KHDRBS1: variants seen among roughly 807,000 people sequenced by gnomAD.
KHDRBS1 encodes KH domain-containing, RNA-binding, signal transduction-associated protein 1.
In KHDRBS1, 7 loss-of-function variants were observed where a neutral mutation model predicts 48.4. The ratio of observed to expected loss-of-function variants is 0.14; its 90% CI spans 0.08 to 0.27. The LOEUF (loss-of-function observed/expected upper bound fraction) is 0.27. Among genes scored for constraint, KHDRBS1 ranks in the 10% least tolerant of loss-of-function variants. KHDRBS1 has a pLI of 1.00. For synonymous variants in KHDRBS1, 241 were observed against 235.8 expected (o/e 1.02, Z -0.20); for missense variants, 458 against 601.2 (o/e 0.76, Z 2.49).
chr1:32,048,506 C>G (rs968536898), downstream of KHDRBS1, among the ~76,000 whole-genome samples: 18 of 152,304 alleles, frequency 1.2e-4, 2 homozygotes, highest in Middle Eastern at 6.8e-3. Context: ...TTTTAAAATA[C>G]TATTGGTCCC....
rs1389014015 is a variant in KHDRBS1 at position 32,043,366 on chromosome 1, T to C, written c.*742T>C. ...GAAATCTAGCCCCAGACATACTGTG[T>C]TGAGAGATACTTAGAGGGAGGGAGT... On this transcript the variant is annotated 3_prime_UTR_variant, in exon 9 of 9. Transcript: ENST00000327300. 3 of 152,400 alleles carry C rather than the reference T, an allele frequency of 2.0e-5. No homozygotes were observed. Among genetic ancestry groups the C allele is most frequent in the Non-Finnish European group, 4.4e-5 (3 of 68,000 alleles). The allele number at this position is 152,400 out of a possible 1,614,324, so 9.4% of individuals were successfully genotyped here. A position where few individuals can be genotyped will look rare whatever the true frequency, so the allele number is the denominator to read the frequency against.
chr1:32,030,765 A>T (rs1270034597), intron 2 of KHDRBS1, among the ~76,000 whole-genome samples: 5 of 152,154 alleles, frequency 3.3e-5, no homozygotes. Context: ...GAAATATAAT[A>T]TGAATCCTCA....
At chr1:32,018,393 G>A (rs1232565983) in intron 1 of KHDRBS1, among the ~76,000 whole-genome samples, 3 of 152,168 alleles carry the variant, frequency 2.0e-5, no homozygotes, top group South Asian at 2.1e-4. Flanking sequence ...CTCAGGAGAC[G>A]GAGGTTGCAG....
At chr1:32,057,577 G>T (rs1459886662) in intron 10 of KHDRBS1, among the ~76,000 whole-genome samples, 1 of 151,392 alleles carries the variant, frequency 6.6e-6, no homozygotes, top group Non-Finnish European at 1.5e-5. Context: ...GAGGCGGGCG[G>T]ATCACGAGGT....
At chr1:32,017,293 G>A (rs1399983060) in intron 1 of KHDRBS1, among the ~76,000 whole-genome samples, 1 of 151,762 alleles carries the variant, frequency 6.6e-6, no homozygotes, top group African/African-American at 2.4e-5. Context: ...GAGGGATGTA[G>A]ATTTTGAATG....
At chr1:32,049,451 G>A (rs372421538) in intron 10 of KHDRBS1, among the ~76,000 whole-genome samples, 1 of 150,280 alleles carries the variant, frequency 6.7e-6, no homozygotes, top group East Asian at 1.9e-4. Context: ...TGTTAAATGC[G>A]ATTTCACTGT....
chr1:32,014,407 C>T (rs1159369886), intron 1 of KHDRBS1, 30 bp downstream of exon 1: 37 of 1,305,192 alleles, frequency 2.8e-5, no homozygotes, highest in Non-Finnish European at 3.4e-5. Flanking sequence ...CCCTCTGGGT[C>T]GCCCGGCCAT....
chr1:32,023,029 CCT>C (rs776502087), intron 1 of KHDRBS1, among the ~76,000 whole-genome samples: 3 of 151,656 alleles, frequency 2.0e-5, no homozygotes, highest in Non-Finnish European at 4.4e-5. Context: ...TCTTTTTCGC[CCT>C]CTCTCTTTTT....
Position 32,031,650 on chromosome 1 carries a change from C to T in KHDRBS1, c.624+10C>T, listed in dbSNP as rs758099293. 5.1e-6 allele frequency: 8 copies of T among 1,556,936 alleles called. No homozygotes were observed. In the South Asian group the frequency reaches 9.1e-5, roughly 18 times the overall value. Reference sequence around the variant, plus strand: ...GAGAGACAAAGCCAAGGTAAGCTCACATTAGTGAGGCAAGAGGACATCCTA... The same window carrying T: ...GAGAGACAAAGCCAAGGTAAGCTCATATTAGTGAGGCAAGAGGACATCCTA... On this transcript the variant is annotated intron_variant, in intron 3 of 8. Coordinates refer to ENST00000327300, the MANE Select transcript of KHDRBS1 (RefSeq NM_006559.3).
intron 1 of KHDRBS1, among the ~76,000 whole-genome samples, chr1:32,019,541 A>AAAAG (rs547977419): frequency 5.3e-5 from 8 of 152,130 alleles, no homozygotes; most frequent in Non-Finnish European, 8.8e-5. Context: ...AAAAAAAACA[A>AAAAG]AAAGAAAGAA....
chr1:32,053,038 A>T (rs1639442141), intron 10 of KHDRBS1, among the ~76,000 whole-genome samples: 1 of 152,182 alleles, frequency 6.6e-6, no homozygotes, highest in African/African-American at 2.4e-5. Flanking sequence ...CTGTAGTCCC[A>T]GCTACTTGAA....
intron 10 of KHDRBS1, among the ~76,000 whole-genome samples, chr1:32,055,788 G>A (rs1406845151): frequency 6.6e-6 from 1 of 152,062 alleles, no homozygotes; most frequent in Non-Finnish European, 1.5e-5. Flanking sequence ...GGCTCCTAAG[G>A]AGGCTGCATT....
chr1:32,041,583 CTTTTTT>C (rs370173805), intron 8 of KHDRBS1, among the ~76,000 whole-genome samples: 12 of 75,582 alleles, frequency 1.6e-4, no homozygotes, highest in Admixed American at 1.4e-3. Flanking sequence ...AGGAATTATC[CTTTTTT>C]TTTTTTTTTT....
intron 4 of KHDRBS1, 79 bp downstream of exon 4, chr1:32,033,413 A>G: frequency 3.2e-6 from 5 of 1,570,724 alleles, no homozygotes; most frequent in Non-Finnish European, 4.3e-6. Context: ...GGGGTTCTTA[A>G]CTAAGGTCTC....
rs1440336661 is a variant in KHDRBS1 at position 32,030,398 on chromosome 1, G to A, written c.483G>A (p.Leu161=). The A allele has an allele frequency of 2.5e-6, 4 of 1,610,822 alleles. No homozygotes were observed. The Admixed American group carries it at 6.7e-5, about 27-fold the overall frequency. The stretch of plus-strand genomic sequence containing the variant: ...ACATGAAACTGAAAGAGCGAGTGCT[G>A]ATACCTGTCAAGCAGTATCCCAAGG... ...HKNMKLKERV[L]IPVKQYPKFN... is the part of the protein sequence containing the mutation. The change falls in exon 2 of 9, where the codon CTG becomes CTA. Residue 161 remains leucine (L), a synonymous_variant. Transcript: ENST00000327300.
intron 1 of KHDRBS1, among the ~76,000 whole-genome samples, chr1:32,019,434 C>T (rs988150172): frequency 1.3e-5 from 2 of 151,716 alleles, no homozygotes; most frequent in Non-Finnish European, 1.5e-5. Flanking sequence ...CCTGTAATGC[C>T]GGCTACTTGG....
At chr1:32,032,298 C>A (rs958166249) in intron 3 of KHDRBS1, among the ~76,000 whole-genome samples, 3 of 152,232 alleles carry the variant, frequency 2.0e-5, no homozygotes, top group African/African-American at 7.2e-5. Flanking sequence ...AAAACCAATT[C>A]TTTCAACCCT....
intron 10 of KHDRBS1, among the ~76,000 whole-genome samples, chr1:32,055,454 AAAG>A (rs1026610820): frequency 4.6e-5 from 7 of 152,272 alleles, no homozygotes; most frequent in Non-Finnish European, 7.4e-5. Context: ...GTCTCCAAAA[AAAG>A]AAGAGTTGGA....
At chr1:32,022,288 G>A (rs937916832) in intron 1 of KHDRBS1, among the ~76,000 whole-genome samples, 9 of 152,022 alleles carry the variant, frequency 5.9e-5, no homozygotes, top group Non-Finnish European at 1.2e-4. Flanking sequence ...GTGAGCCACC[G>A]CGCCCCAGCC....
Sources: allele counts gnomAD v4.1 joint callset (sites outside exome capture counted in the v4.1 genomes callset), GRCh38; gene constraint gnomAD v4.1.1; transcripts MANE v1.5; gene names NCBI Gene and HGNC (gene_info 2026-07-23, HGNC 2026-07-21).